Variants in GGNBP2 observed in about 807,000 individuals in gnomAD.
The protein encoded by GGNBP2 is gametogenetin binding protein 2.
A neutral mutation model predicts 85.9 loss-of-function variants in GGNBP2; 10 were observed. That is an observed-to-expected ratio of 0.12 (90% CI 0.07 to 0.20). GGNBP2 has a LOEUF of 0.20. Among genes scored for constraint, GGNBP2 ranks in the 10% least tolerant of loss-of-function variants. GGNBP2 has a pLI of 1.00. For synonymous variants in GGNBP2, 287 were observed against 285.7 expected, an observed-to-expected ratio of 1.00 and a Z score of -0.05; for missense variants, 595 against 857.8, an observed-to-expected ratio of 0.69 and a Z score of 3.83.
rs1228371001 is a variant in GGNBP2, at chr17:36,574,306, C to G, written c.642-3677C>G. 2.6e-5 allele frequency among the ~76,000 whole-genome samples: 4 copies of G among 151,996 alleles called. No individual in the cohort carries two copies. In the East Asian group the frequency reaches 7.7e-4, roughly 29 times the overall value. On this transcript the variant is annotated intron_variant, in intron 6 of 13. Coordinates refer to ENST00000613102, the MANE Select transcript of GGNBP2 (RefSeq NM_024835.5). The stretch of plus-strand genomic sequence containing the variant: ...AATATAAATAAAAATATGTATACTA[C>G]CTAGGTTTGTGTAAGTACACTCTGA...
chr17:36,566,810 T>C (rs1555605911), intron 5 of GGNBP2, among the ~76,000 whole-genome samples: 1 of 152,100 alleles, frequency 6.6e-6, no homozygotes, highest in Non-Finnish European at 1.5e-5. Context: ...CAGCTACTTA[T>C]ACATGTGAAG....
intron 6 of GGNBP2, among the ~76,000 whole-genome samples, chr17:36,571,407 G>C (rs1026233226): frequency 6.6e-6 from 1 of 151,804 alleles, no homozygotes; most frequent in African/African-American, 2.4e-5. Flanking sequence ...AAAATTAGCC[G>C]GGCTTGGTGG....
chr17:36,562,688 C>T (rs939863482), intron 5 of GGNBP2, among the ~76,000 whole-genome samples: 4 of 151,154 alleles, frequency 2.6e-5, no homozygotes, highest in East Asian at 2.0e-4. Flanking sequence ...TTTTATCGGC[C>T]GGGTGCAGTG....
At chr17:36,575,095 A>T (rs1393035549) in intron 6 of GGNBP2, 5 of 829,420 alleles carry the variant, frequency 6.0e-6, no homozygotes, top group Non-Finnish European at 8.0e-6. Flanking sequence ...GGGAGAAGAC[A>T]TACATCTCCT....
Position 36,587,014 on chromosome 17 carries a change from C to G in GGNBP2, c.1659C>G (p.Ser553Arg). 6.2e-7 allele frequency: 1 copy of G among 1,612,610 alleles called. No homozygotes were observed. The highest frequency in any genetic ancestry group is 8.5e-7 in the Non-Finnish European group (1 of 1,179,684). ...KCDEHIQKLG[S>R]CITDPGNRET... ...GGTATCAGATCCAGAAGCTTGGAAGCTGTATTACAGATCCAGGTAATCGAG... is the reference window on the plus strand; with the variant it reads ...GGTATCAGATCCAGAAGCTTGGAAGGTGTATTACAGATCCAGGTAATCGAG... The change falls in exon 13 of 14, where the codon AGC becomes AGG. Residue 553 changes from serine to arginine, a missense_variant. Ser to Arg is a moderately radical substitution (Grantham distance 110, BLOSUM62 -1). Around this residue, in one of 9 missense-constraint regions of GGNBP2, gnomAD observed 120 missense variants for 126.3 expected, o/e 0.95. Transcript: ENST00000613102.
At chr17:36,573,703 T>A (rs1030028606) in intron 6 of GGNBP2, among the ~76,000 whole-genome samples, 1 of 152,184 alleles carries the variant, frequency 6.6e-6, no homozygotes, top group African/African-American at 2.4e-5. Flanking sequence ...GTTGTTGTTG[T>A]TTTGATAGTG....
intron 13 of GGNBP2, among the ~76,000 whole-genome samples, 174 bp from the exon 14 acceptor site, chr17:36,589,034 T>C (rs1211558154): frequency 6.6e-6 from 1 of 152,226 alleles, no homozygotes; most frequent in African/African-American, 2.4e-5. Context: ...TTATTCTCAC[T>C]ACTTTCTTAG....
At chr17:36,549,249 C>T (rs1361272513) in intron 2 of GGNBP2, among the ~76,000 whole-genome samples, 1 of 151,988 alleles carries the variant, frequency 6.6e-6, no homozygotes, top group Non-Finnish European at 1.5e-5. Flanking sequence ...GTCGCCCAGG[C>T]TGGAGTACAG....
rs577798628 is a variant in GGNBP2, at chr17:36,563,749, CT to C, written c.527+2891del. On this transcript the variant is annotated intron_variant, in intron 5 of 13. Transcript: ENST00000613102. ...CTTTTTTTTTTCTTTCTTTCAAATT[CT>C]TTTTTTTTTTTTGAGATGGAATTTC... Among the ~76,000 whole-genome samples, 762 of 138,028 alleles carry C rather than the reference CT, an allele frequency of 5.5e-3. 4 individuals are homozygous for C. Among genetic ancestry groups the C allele is most frequent in the African/African-American group, 0.017 (622 of 37,528 alleles). 90.6% of individuals were successfully genotyped at this position (138,028 alleles called of 152,430 possible).
At chr17:36,553,871 G>A (rs1031679180) in intron 2 of GGNBP2, among the ~76,000 whole-genome samples, 8 of 152,134 alleles carry the variant, frequency 5.3e-5, no homozygotes, top group Admixed American at 2.6e-4. Context: ...TGTGACAACA[G>A]ATCAGTAAAA....
chr17:36,574,465 T>G, intron 6 of GGNBP2: 2 of 251,374 alleles, frequency 8.0e-6, no homozygotes, highest in Non-Finnish European at 1.5e-5. Flanking sequence ...AACCCTGTGT[T>G]GTAGCCACAG....
At chr17:36,565,527 C>T (rs1056969524) in intron 5 of GGNBP2, among the ~76,000 whole-genome samples, 1 of 151,556 alleles carries the variant, frequency 6.6e-6, no homozygotes, top group Non-Finnish European at 1.5e-5. Context: ...CTTTATGAAC[C>T]TTTCCCTCAA....
chr17:36,577,844 G>C, intron 6 of GGNBP2, 139 bp from the exon 7 acceptor site: 1 of 692,534 alleles, frequency 1.4e-6, no homozygotes, highest in Non-Finnish European at 2.6e-6. Flanking sequence ...CCTTATGTGC[G>C]TATGTTTTAA....
Position 36,587,449 on chromosome 17 carries a change from C to T in GGNBP2, c.1890+204C>T, listed in dbSNP as rs2074713934. 8.3e-6 allele frequency: 5 copies of T among 600,568 alleles called. 1 individual carries two copies. The highest frequency in any genetic ancestry group is 5.8e-5 in the South Asian group (3 of 51,302). The allele number at this position is 600,568 out of a possible 1,614,324, so 37.2% of individuals were successfully genotyped here. A position where few individuals can be genotyped will look rare whatever the true frequency, so the allele number is the denominator to read the frequency against. On this transcript the variant is annotated intron_variant, in intron 13 of 13. Coordinates refer to ENST00000613102, the MANE Select transcript of GGNBP2 (RefSeq NM_024835.5). ...CTACTCTGGAACACGTTTCCATGGC[C>T]GCCTCTGTCTCAGTAGAAGACATTA...
At chr17:36,547,352 T>A (rs1289574123) in intron 2 of GGNBP2, 1 of 152,172 alleles carries the variant, frequency 6.6e-6, no homozygotes, top group Non-Finnish European at 1.5e-5. Flanking sequence ...CCACAATGGC[T>A]GTGGAGTTAA....
rs192188791 is a variant in GGNBP2 at position 36,568,792 on chromosome 17, T to C, written c.641+1016T>C. The stretch of plus-strand genomic sequence containing the variant: ...TTTTTTTTGAGACGAAGTCTCGCTC[T>C]GTTGCCAGGCTGGAATGCGCTGGCT... On this transcript the variant is annotated intron_variant, in intron 6 of 13. Transcript: ENST00000613102. Among the ~76,000 whole-genome samples, 921 of 152,088 alleles carry C rather than the reference T, an allele frequency of 6.1e-3. 4 individuals are homozygous for C. The highest frequency in any genetic ancestry group is 0.014 in the Middle Eastern group (4 of 294).
intron 12 of GGNBP2, 78 bp from the exon 13 acceptor site, chr17:36,586,919 T>A: frequency 3.4e-6 from 1 of 294,622 alleles, no homozygotes; most frequent in East Asian, 1.4e-4. Context: ...GTGCCCCGCT[T>A]TTTTTTTTTT....
intron 8 of GGNBP2, 44 bp from the exon 9 acceptor site, chr17:36,581,300 G>T (rs578165396): frequency 1.2e-5 from 15 of 1,303,412 alleles, no homozygotes; most frequent in Non-Finnish European, 1.4e-5. Context: ...AAAAAGAAAA[G>T]AAGTTCTGAC....
chr17:36,580,603 T>C (rs1053645501), intron 8 of GGNBP2, among the ~76,000 whole-genome samples: 18 of 152,248 alleles, frequency 1.2e-4, no homozygotes, highest in African/African-American at 4.1e-4. Context: ...GTAAATGGTA[T>C]GTTTACTTTT....
Sources: allele counts gnomAD v4.1 joint callset (sites outside exome capture counted in the v4.1 genomes callset), GRCh38; gene constraint gnomAD v4.1.1; regional missense constraint gnomAD v4.1.1; transcripts MANE v1.5; gene names NCBI Gene and HGNC (gene_info 2026-07-23, HGNC 2026-07-21).